USP25: variants seen among roughly 807,000 people sequenced by gnomAD.
USP25 encodes the protein ubiquitin specific peptidase 25.
A neutral mutation model predicts 158.5 loss-of-function variants in USP25; 85 were observed. The observed-to-expected ratio is 0.54, with a 90% CI of 0.45 to 0.64. The LOEUF is 0.64. Among genes scored for constraint, USP25 ranks in the 30% least tolerant of loss-of-function variants. The probability of loss-of-function intolerance (pLI) is 0.00; values close to 1 mark genes in which losing one functional copy is unlikely to be tolerated. For missense variants in USP25, 1,242 were observed against 1,327.3 expected, an observed-to-expected ratio of 0.94 and a Z score of 1.00; for synonymous variants, 464 against 460.4, an observed-to-expected ratio of 1.01 and a Z score of -0.10.
intron 4 of USP25, among the ~76,000 whole-genome samples, chr21:15,788,872 T>C (rs2035439540): frequency 6.6e-6 from 1 of 152,106 alleles, no homozygotes; most frequent in Non-Finnish European, 1.5e-5. Flanking sequence ...CTTAGGTGAC[T>C]TTGAGGAGCA....
intron 6 of USP25, among the ~76,000 whole-genome samples, chr21:15,803,833 C>A (rs2036247019): frequency 6.6e-6 from 1 of 151,750 alleles, no homozygotes; most frequent in African/African-American, 2.4e-5. Flanking sequence ...TCCCTCTTAC[C>A]TATTTCTCAG....
At chr21:15,830,882 A>G (rs2037768279) in intron 15 of USP25, among the ~76,000 whole-genome samples, 1 of 152,166 alleles carries the variant, frequency 6.6e-6, no homozygotes, top group Non-Finnish European at 1.5e-5. Context: ...TTTTACAGTA[A>G]AATCTACCAA....
intron 17 of USP25, among the ~76,000 whole-genome samples, chr21:15,839,220 C>T (rs537090744): frequency 1.8e-4 from 28 of 152,192 alleles, no homozygotes; most frequent in Middle Eastern, 3.4e-3. Context: ...ACTACAACAC[C>T]ACTCATCTAA....
chr21:15,811,129 T>A lies in USP25; in HGVS notation c.858-8T>A, dbSNP rs780691189. 18 of 1,602,964 alleles carry A rather than the reference T, an allele frequency of 1.1e-5. No homozygotes were observed. Among genetic ancestry groups the A allele is most frequent in the Non-Finnish European group, 1.4e-5 (17 of 1,176,690 alleles). On this transcript the variant is annotated splice_polypyrimidine_tract_variant and splice_region_variant and intron_variant, in intron 8 of 25. Coordinates refer to ENST00000400183, the MANE Select transcript of USP25 (RefSeq NM_001283041.3). ...GTAATCACATTTATATTTTTTAACA[T>A]ACTTTAGGGATGAAGAGAAGCCAAA... is the stretch of plus-strand genomic sequence containing the variant.
In USP25 at chr21:15,758,185, T is replaced by A. The variant is rs1455697263; in HGVS notation, c.46-4706T>A. ...TATTAGCAAACTCATGGAGTCATCC[T>A]TCTGTACATTAAAGTTTGAGAACTA... On this transcript the variant is annotated intron_variant, in intron 1 of 25. Transcript: ENST00000400183. 2.0e-5 allele frequency among the ~76,000 whole-genome samples: 3 copies of A among 152,190 alleles called. No homozygotes were observed. The East Asian group carries it at 5.8e-4, about 29-fold the overall frequency.
In USP25 at chr21:15,826,575, CA is replaced by C. The variant is rs531751989; in HGVS notation, c.1466+211del. ...TGGTTATGGATTAAAATTTTAATCA[CA>C]TTTTTTTTCAGTTCAGAATTATACT... On this transcript the variant is annotated intron_variant, in intron 13 of 25. Coordinates refer to ENST00000400183, the MANE Select transcript of USP25 (RefSeq NM_001283041.3). This position sits in a 1 kb window ranked among gnomAD's most constrained non-coding sequence, Gnocchi z 4.8. 5.0e-3 allele frequency among the ~76,000 whole-genome samples: 760 copies of C among 152,070 alleles called. 6 individuals are homozygous for C. The highest frequency in any genetic ancestry group is 0.017 in the African/African-American group (705 of 41,442).
At chr21:15,758,102 G>T (rs911662327) in intron 1 of USP25, among the ~76,000 whole-genome samples, 2 of 152,162 alleles carry the variant, frequency 1.3e-5, no homozygotes, top group Non-Finnish European at 2.9e-5. Context: ...CCGATCCCTA[G>T]ACCTTAACCC....
intron 1 of USP25, among the ~76,000 whole-genome samples, chr21:15,746,619 A>T (rs1250147472): frequency 6.6e-6 from 1 of 151,734 alleles, no homozygotes; most frequent in African/African-American, 2.4e-5. Flanking sequence ...GATAGTCTTG[A>T]TCTCTGGACA....
intron 4 of USP25, among the ~76,000 whole-genome samples, chr21:15,784,376 C>T (rs1267977138): frequency 6.6e-6 from 1 of 152,074 alleles, no homozygotes; most frequent in Non-Finnish European, 1.5e-5. Context: ...AGTTTGAGAC[C>T]AGCCTGATGA....
chr21:15,761,429 A>G (rs761676079), intron 1 of USP25, among the ~76,000 whole-genome samples: 6 of 152,214 alleles, frequency 3.9e-5, no homozygotes, highest in African/African-American at 7.2e-5. Flanking sequence ...CAGTCTCCCA[A>G]TAGATAGAAA....
chr21:15,837,875 A>C (rs1349851399), intron 17 of USP25, among the ~76,000 whole-genome samples: 1 of 152,092 alleles, frequency 6.6e-6, no homozygotes, highest in Non-Finnish European at 1.5e-5. Flanking sequence ...TGAGAGTAAG[A>C]CCTGGTAGAA....
chr21:15,838,014 CCT>C (rs2038141087), intron 17 of USP25, among the ~76,000 whole-genome samples: 1 of 151,852 alleles, frequency 6.6e-6, no homozygotes, highest in Non-Finnish European at 1.5e-5. Flanking sequence ...TAGCTCACTG[CCT>C]GCCGGGTTCA....
chr21:15,803,504 A>G (rs2036231088), intron 6 of USP25, among the ~76,000 whole-genome samples: 1 of 151,880 alleles, frequency 6.6e-6, no homozygotes, highest in Non-Finnish European at 1.5e-5. Flanking sequence ...AAGGAAAACC[A>G]TATTATCATC....
chr21:15,829,762 TTTG>T (rs2037706252), intron 14 of USP25, among the ~76,000 whole-genome samples: 1 of 152,234 alleles, frequency 6.6e-6, no homozygotes, highest in Non-Finnish European at 1.5e-5. Context: ...TTATGTTGGT[TTTG>T]TTTTCTTTTT....
In USP25 at chr21:15,819,522, A is replaced by G. The variant is rs933730965; in HGVS notation, c.1080+676A>G. ...CAGTTACTGTTAAGAAATTGCTGAT[A>G]GTTGTCTAGCTGTTAAACTCCATGA... is the stretch of plus-strand genomic sequence containing the variant. On this transcript the variant is annotated intron_variant, in intron 10 of 25. Transcript: ENST00000400183. Among the ~76,000 whole-genome samples, 3 of 152,268 alleles carry G rather than the reference A, an allele frequency of 2.0e-5. 1 individual carries two copies. In the Middle Eastern group the frequency reaches 0.01, roughly 518 times the overall value.
chr21:15,813,931 G>A (rs573900239), intron 9 of USP25, among the ~76,000 whole-genome samples: 4 of 151,814 alleles, frequency 2.6e-5, no homozygotes, highest in South Asian at 4.2e-4. Context: ...GTCCCAAACC[G>A]AATCTCAACT....
chr21:15,785,823 A>G (rs1008781064), intron 4 of USP25, among the ~76,000 whole-genome samples: 2 of 152,198 alleles, frequency 1.3e-5, no homozygotes, highest in Admixed American at 6.5e-5. Context: ...GCAGAAGTAA[A>G]CAAATAGAGA....
chr21:15,878,638 C>CA lies in USP25; in HGVS notation c.*165dup. The CA allele has an allele frequency of 1.6e-6, 1 of 615,168 alleles. No individual in the cohort carries two copies. The highest frequency in any genetic ancestry group is 2.5e-6 in the Non-Finnish European group (1 of 407,538). 38.1% of individuals were successfully genotyped at this position (615,168 alleles called of 1,614,324 possible). On this transcript the variant is annotated 3_prime_UTR_variant, in exon 26 of 26. Transcript: ENST00000400183. Reference sequence around the variant, plus strand: ...ATACAGACTTTAGTCAGACTGCAGACAATAAAGCTGAAAATCGCATGGCGC... The same window carrying CA: ...ATACAGACTTTAGTCAGACTGCAGACAAATAAAGCTGAAAATCGCATGGCGC...
intron 21 of USP25, among the ~76,000 whole-genome samples, chr21:15,865,921 A>G (rs528401410): frequency 2.4e-4 from 37 of 152,222 alleles, no homozygotes; most frequent in Non-Finnish European, 4.3e-4. Flanking sequence ...GTGGGGGGAA[A>G]AGAAGATGCA....
Sources: gnomAD v4.1 joint callset for allele counts (sites outside exome capture counted in the v4.1 genomes callset) on GRCh38, gnomAD v4.1.1 for gene constraint, Gnocchi (gnomAD v3.1) non-coding constraint, MANE v1.5 for transcripts, NCBI Gene and HGNC (gene_info 2026-07-23, HGNC 2026-07-21) for gene names.